BICC1: variants seen among roughly 807,000 people sequenced by gnomAD.
BICC1 encodes BicC family RNA binding protein 1.
Under a neutral mutation model 111.0 loss-of-function variants are expected in BICC1, and 43 were observed. That is an observed-to-expected ratio of 0.39 (90% CI 0.30 to 0.50). The LOEUF is 0.50. Among genes scored for constraint, BICC1 ranks in the 20% least tolerant of loss-of-function variants. BICC1 has a pLI of 0.88. For missense variants in BICC1, 1,091 were observed against 1,203.2 expected, an observed-to-expected ratio of 0.91 and a Z score of 1.38; for synonymous variants, 467 against 434.4, an observed-to-expected ratio of 1.07 and a Z score of -0.93.
At chr10:58,583,926 C>T (rs1417071673) in intron 1 of BICC1, among the ~76,000 whole-genome samples, 1 of 152,044 alleles carries the variant, frequency 6.6e-6, no homozygotes, top group South Asian at 2.1e-4. Context: ...CCTTGGCCTC[C>T]CAAAGCTCTG....
chr10:58,529,144 A>C (rs1842618211), intron 1 of BICC1, among the ~76,000 whole-genome samples: 1 of 151,914 alleles, frequency 6.6e-6, no homozygotes, highest in African/African-American at 2.4e-5. Flanking sequence ...GTGTTAACAT[A>C]CTTGTCTAGG....
At chr10:58,625,760 A>T (rs1159479148) in intron 2 of BICC1, among the ~76,000 whole-genome samples, 2 of 152,108 alleles carry the variant, frequency 1.3e-5, no homozygotes, top group Non-Finnish European at 2.9e-5. Flanking sequence ...TGGGATAAAT[A>T]ATTTGGTTCC....
intron 2 of BICC1, among the ~76,000 whole-genome samples, chr10:58,654,082 T>C (rs1175888583): frequency 1.7e-4 from 24 of 139,888 alleles, no homozygotes; most frequent in South Asian, 2.4e-4. Context: ...AGTCTATCAT[T>C]GTTGGACATT....
intron 2 of BICC1, among the ~76,000 whole-genome samples, chr10:58,638,120 T>C (rs1019822805): frequency 3.9e-5 from 6 of 152,048 alleles, no homozygotes; most frequent in African/African-American, 1.4e-4. Context: ...TTTTAACTAA[T>C]ACGATGACTT....
chr10:58,584,933 T>A (rs564161100), intron 1 of BICC1, among the ~76,000 whole-genome samples: 55 of 152,346 alleles, frequency 3.6e-4, no homozygotes, highest in African/African-American at 7.5e-4. Context: ...TGTGTATTTT[T>A]GTTTTACTTC....
intron 1 of BICC1, among the ~76,000 whole-genome samples, chr10:58,578,494 A>T (rs1844175745): frequency 6.6e-6 from 1 of 152,194 alleles, no homozygotes; most frequent in Non-Finnish European, 1.5e-5. Context: ...TCATGAAGAA[A>T]CTTTATTTTC....
At chr10:58,555,079 C>G (rs1289840025) in intron 1 of BICC1, among the ~76,000 whole-genome samples, 1 of 151,804 alleles carries the variant, frequency 6.6e-6, no homozygotes, top group Non-Finnish European at 1.5e-5. Context: ...ATAAGTAACT[C>G]ACATAGTGGG....
intron 3 of BICC1, chr10:58,715,632 G>C: frequency 1.6e-5 from 25 of 1,605,740 alleles, no homozygotes; most frequent in Non-Finnish European, 2.1e-5. Flanking sequence ...CCAGTCTTCA[G>C]GGCCAACAAT....
At chr10:58,812,114 G>T (rs1843926225) in intron 17 of BICC1, among the ~76,000 whole-genome samples, 1 of 152,132 alleles carries the variant, frequency 6.6e-6, no homozygotes, top group African/African-American at 2.4e-5. Context: ...TGGATTGTAG[G>T]GAGATAAGCA....
At position 58,648,463 on chromosome 10, in the gene BICC1, T is replaced by C. The variant is rs925362299; in HGVS notation, c.237+27562T>C. The C allele has an allele frequency of 6.3e-6, 6 of 957,558 alleles. No individual in the cohort carries two copies. The African/African-American group carries it at 1.1e-4, about 17-fold the overall frequency. 59.3% of individuals were successfully genotyped at this position (957,558 alleles called of 1,614,324 possible). On this transcript the variant is annotated intron_variant, in intron 2 of 20. Transcript: ENST00000373886. ...GGCATTTATTATACACAGAGTTATGTTCTCTGGCATGTAGAATACTCTTGT... is the reference window on the plus strand; with the variant it reads ...GGCATTTATTATACACAGAGTTATGCTCTCTGGCATGTAGAATACTCTTGT...
intron 2 of BICC1, among the ~76,000 whole-genome samples, chr10:58,626,122 G>T: frequency 6.6e-6 from 1 of 152,064 alleles, no homozygotes; most frequent in East Asian, 1.9e-4. Flanking sequence ...TTTATAAAAG[G>T]GTATGCAGTG....
At chr10:58,551,744 A>G (rs1009434636) in intron 1 of BICC1, among the ~76,000 whole-genome samples, 5 of 152,148 alleles carry the variant, frequency 3.3e-5, no homozygotes, top group Admixed American at 6.6e-5. Flanking sequence ...GAGATCATAC[A>G]TAATTTCTCT....
chr10:58,653,562 C>T (rs1441651589), intron 2 of BICC1, among the ~76,000 whole-genome samples: 3 of 152,124 alleles, frequency 2.0e-5, no homozygotes, highest in Admixed American at 1.3e-4. Flanking sequence ...GAAGTTTGGA[C>T]TCAAAATAGT....
intron 3 of BICC1, among the ~76,000 whole-genome samples, chr10:58,761,702 A>G (rs1323785830): frequency 6.6e-6 from 1 of 152,164 alleles, no homozygotes; most frequent in Non-Finnish European, 1.5e-5. Flanking sequence ...AAATAAATGA[A>G]GGATGTAATT....
chr10:58,728,393 C>G (rs1352608395), intron 3 of BICC1, among the ~76,000 whole-genome samples: 5 of 152,124 alleles, frequency 3.3e-5, no homozygotes, highest in Non-Finnish European at 5.9e-5. Flanking sequence ...CTCATCCACT[C>G]AAGTTTTATC....
chr10:58,603,308 T>A (rs182637008), intron 1 of BICC1, among the ~76,000 whole-genome samples: 9 of 152,330 alleles, frequency 5.9e-5, no homozygotes, highest in African/African-American at 2.2e-4. Context: ...ACTTGACTGA[T>A]GGTTTGGAAA....
intron 11 of BICC1, among the ~76,000 whole-genome samples, 156 bp downstream of exon 11, chr10:58,798,716 A>C (rs1285277122): frequency 6.6e-6 from 1 of 152,218 alleles, no homozygotes; most frequent in African/African-American, 2.4e-5. Flanking sequence ...AATTAGTTAA[A>C]ATGAAGAACA....
intron 14 of BICC1, among the ~76,000 whole-genome samples, chr10:58,802,608 C>T (rs1207334291): frequency 1.3e-5 from 2 of 152,192 alleles, no homozygotes; most frequent in Non-Finnish European, 2.9e-5. Context: ...ATACATATTT[C>T]ATACACACGA....
chr10:58,611,766 A>G (rs1845430704), intron 1 of BICC1, among the ~76,000 whole-genome samples: 1 of 152,094 alleles, frequency 6.6e-6, no homozygotes, highest in South Asian at 2.1e-4. Flanking sequence ...CTGGGATTGC[A>G]GGTGTGAGCC....
Sources: allele counts gnomAD v4.1 joint callset (sites outside exome capture counted in the v4.1 genomes callset), GRCh38; gene constraint gnomAD v4.1.1; transcripts MANE v1.5; gene names NCBI Gene and HGNC (gene_info 2026-07-23, HGNC 2026-07-21).